The following SCLT1 variants were observed in gnomAD, a reference collection of about 807,000 sequenced individuals.
The protein encoded by SCLT1 is sodium channel-associated protein 1.
SCLT1 carries 78 observed loss-of-function variants against 112.8 expected under a neutral mutation model. The observed-to-expected ratio is 0.69, with a 90% CI of 0.58 to 0.83. The LOEUF (loss-of-function observed/expected upper bound fraction) is 0.83, where lower values mean the gene tolerates loss of function less well. SCLT1 is among the 40% of genes least tolerant of loss of function. The pLI is 0.00. For missense variants in SCLT1, 747 were observed against 770.4 expected (o/e 0.97, Z 0.36); for synonymous variants, 257 against 254.7 (o/e 1.01, Z -0.09).
In SCLT1 at chr4:128,917,087, G is replaced by C. The variant is rs566617797; in HGVS notation, c.1829+19568C>G. On this transcript the variant is annotated intron_variant, in intron 18 of 20. Coordinates refer to ENST00000281142, the MANE Select transcript of SCLT1 (RefSeq NM_144643.4). ...GTTCACATCAGCCAATCTAAAACTT[G>C]TTCACCATGGCGTCACCTGTTCCTT... Among the ~76,000 whole-genome samples, 13 of 152,248 alleles carry C rather than the reference G, an allele frequency of 8.5e-5. 1 individual carries two copies. The South Asian group carries it at 2.7e-3, about 32-fold the overall frequency.
intron 2 of SCLT1, among the ~76,000 whole-genome samples, chr4:129,074,913 G>A (rs1751331040): frequency 6.6e-6 from 1 of 151,954 alleles, no homozygotes. Flanking sequence ...TGTTCCTCAG[G>A]CTGGTCTCAA....
intron 18 of SCLT1, among the ~76,000 whole-genome samples, chr4:128,922,471 T>G (rs953700986): frequency 6.6e-6 from 1 of 151,914 alleles, no homozygotes; most frequent in Non-Finnish European, 1.5e-5. Context: ...AAAGCAGCCA[T>G]AAAAAAGAAT....
At chr4:129,031,188 A>G (rs927751482) in intron 5 of SCLT1, among the ~76,000 whole-genome samples, 1 of 152,186 alleles carries the variant, frequency 6.6e-6, no homozygotes, top group African/African-American at 2.4e-5. Flanking sequence ...AATTCATCAC[A>G]TAAACAGAAC....
At chr4:128,899,292 C>G (rs1323419760) in intron 18 of SCLT1, among the ~76,000 whole-genome samples, 1 of 152,014 alleles carries the variant, frequency 6.6e-6, no homozygotes, top group East Asian at 1.9e-4. Flanking sequence ...ACTGGCAAAC[C>G]GAATCCAGCA....
chr4:128,939,498 T>A (rs1417079760), intron 17 of SCLT1, among the ~76,000 whole-genome samples: 2 of 152,158 alleles, frequency 1.3e-5, no homozygotes, highest in Admixed American at 1.3e-4. Context: ...ATGATAAAAT[T>A]CAGAATGTTG....
chr4:128,954,592 C>T (rs1261890175), intron 13 of SCLT1, among the ~76,000 whole-genome samples: 1 of 152,002 alleles, frequency 6.6e-6, no homozygotes, highest in Non-Finnish European at 1.5e-5. Flanking sequence ...GGATTACAGG[C>T]GTGAGCCACC....
chr4:129,063,763 C>G (rs888944053), intron 2 of SCLT1, among the ~76,000 whole-genome samples: 6 of 152,262 alleles, frequency 3.9e-5, no homozygotes, highest in South Asian at 2.1e-4. Context: ...TCCCTGTTCT[C>G]CCTGCTCCTA....
intron 18 of SCLT1, among the ~76,000 whole-genome samples, chr4:128,900,668 T>C (rs1211845206): frequency 6.6e-6 from 1 of 152,086 alleles, no homozygotes; most frequent in Non-Finnish European, 1.5e-5. Flanking sequence ...AAAGCCAAAA[T>C]TGACAAATGG....
intron 2 of SCLT1, among the ~76,000 whole-genome samples, chr4:129,054,424 A>G (rs1749155221): frequency 1.3e-5 from 2 of 151,792 alleles, no homozygotes; most frequent in South Asian, 4.2e-4. Context: ...ATAGTCCCAT[A>G]TTTCTTGGAG....
chr4:128,994,387 T>G (rs899206374), intron 8 of SCLT1, among the ~76,000 whole-genome samples: 1 of 152,178 alleles, frequency 6.6e-6, no homozygotes, highest in African/African-American at 2.4e-5. Context: ...TTCCACTGTA[T>G]GTTTATACAT....
At chr4:129,042,041 C>T (rs1259199557) in intron 4 of SCLT1, among the ~76,000 whole-genome samples, 1 of 152,090 alleles carries the variant, frequency 6.6e-6, no homozygotes, top group Non-Finnish European at 1.5e-5. Context: ...GCTACCACAC[C>T]TGGCCAGGCT....
At chr4:128,954,505 G>A (rs933168395) in intron 13 of SCLT1, among the ~76,000 whole-genome samples, 4 of 151,874 alleles carry the variant, frequency 2.6e-5, no homozygotes, top group African/African-American at 9.7e-5. Context: ...AGTAGAGACG[G>A]GGTTTCACCG....
intron 3 of SCLT1, among the ~76,000 whole-genome samples, chr4:128,878,992 G>A (rs73850019): frequency 0.025 from 3,790 of 151,786 alleles, 172 homozygotes; most frequent in African/African-American, 0.086. Context: ...CACTCGGGAG[G>A]GGGGAGGGAT....
chr4:129,024,500 A>G (rs1324133477), intron 5 of SCLT1, among the ~76,000 whole-genome samples: 1 of 152,214 alleles, frequency 6.6e-6, no homozygotes, highest in Admixed American at 6.5e-5. Flanking sequence ...TGTCTGTTAG[A>G]AGGAAAACTA....
chr4:129,054,291 G>C (rs1749139283), intron 2 of SCLT1, among the ~76,000 whole-genome samples: 1 of 152,054 alleles, frequency 6.6e-6, no homozygotes, highest in Admixed American at 6.6e-5. Flanking sequence ...TTTGAGTGTT[G>C]GCCTGCCTTG....
intron 2 of SCLT1, among the ~76,000 whole-genome samples, chr4:129,060,110 C>T (rs535392368): frequency 2.6e-4 from 39 of 152,190 alleles, no homozygotes; most frequent in Admixed American, 2.0e-4. Flanking sequence ...TTGATCAAGT[C>T]TCTCCTTGAA....
intron 5 of SCLT1, among the ~76,000 whole-genome samples, chr4:129,017,652 T>C (rs528951924): frequency 6.6e-6 from 1 of 152,288 alleles, no homozygotes; most frequent in South Asian, 2.1e-4. Flanking sequence ...GTTCCAGTTG[T>C]ATTTATTAAA....
At chr4:128,952,197 C>A (rs1738815180) in intron 14 of SCLT1, 2 of 384,280 alleles carry the variant, frequency 5.2e-6, no homozygotes, top group African/African-American at 4.2e-5. Context: ...AAAAGTGATA[C>A]AGGGAGTCAG....
chr4:128,957,207 C>T, intron 12 of SCLT1, 83 bp from the exon 13 acceptor site: 1 of 696,892 alleles, frequency 1.4e-6, no homozygotes. Flanking sequence ...CCACTAGTCA[C>T]TTCCTTATTC....
Sources: gnomAD v4.1 joint callset for allele counts (sites outside exome capture counted in the v4.1 genomes callset) on GRCh38, gnomAD v4.1.1 for gene constraint, MANE v1.5 for transcripts, NCBI Gene and HGNC (gene_info 2026-07-23, HGNC 2026-07-21) for gene names.